GOLGA4: variants seen among roughly 807,000 people sequenced by gnomAD.
GOLGA4 encodes golgin A4, also known as golgin subfamily A member 4.
Under a neutral mutation model 265.9 loss-of-function variants are expected in GOLGA4, and 169 were observed. The observed-to-expected ratio is 0.64, with a 90% confidence interval of 0.56 to 0.72. The LOEUF is 0.72. GOLGA4 is among the 30% of genes least tolerant of loss of function. The pLI is 0.00. For synonymous variants in GOLGA4, 923 were observed against 855.8 expected (o/e 1.08, Z -1.37); for missense variants, 2,482 against 2,483.4 (o/e 1.00, Z 0.01).
At position 37,315,683 on chromosome 3, in the gene GOLGA4, G is replaced by T. The variant is rs1009102747; in HGVS notation, c.1413+85G>T. 8.8e-6 allele frequency: 10 copies of T among 1,138,634 alleles called. No individual in the cohort carries two copies. The Admixed American group carries it at 1.5e-4, about 17-fold the overall frequency. The allele number at this position is 1,138,634 out of a possible 1,614,324, so 70.5% of individuals were successfully genotyped here. A position where few individuals can be genotyped will look rare whatever the true frequency, so the allele number is the denominator to read the frequency against. ...CCTTACACTCTTTGACTGTAAAGAA[G>T]AGTTTGTTTGTATTTTAGACATTGA... On this transcript the variant is annotated intron_variant, in intron 11 of 23. Transcript: ENST00000361924.
chr3:37,283,260 A>G (rs2096839588), intron 3 of GOLGA4, among the ~76,000 whole-genome samples: 1 of 152,220 alleles, frequency 6.6e-6, no homozygotes, highest in Non-Finnish European at 1.5e-5. Context: ...ATCAGGCTTA[A>G]ATATATAGGC....
intron 16 of GOLGA4, among the ~76,000 whole-genome samples, chr3:37,330,307 C>A (rs1353473443): frequency 6.6e-6 from 1 of 151,794 alleles, no homozygotes; most frequent in Non-Finnish European, 1.5e-5. Flanking sequence ...TAGCTTTACA[C>A]ATTTTATAAA....
At chr3:37,345,738 G>A (rs1243623430) in intron 20 of GOLGA4, among the ~76,000 whole-genome samples, 1 of 152,074 alleles carries the variant, frequency 6.6e-6, no homozygotes, top group Non-Finnish European at 1.5e-5. Context: ...CATGAGGTCC[G>A]GAGTTCAAGA....
chr3:37,297,218 T>C (rs891272487), intron 7 of GOLGA4, among the ~76,000 whole-genome samples: 1 of 152,238 alleles, frequency 6.6e-6, no homozygotes, highest in African/African-American at 2.4e-5. Context: ...ATTCCCGTCT[T>C]TTATTTCCTA....
intron 2 of GOLGA4, among the ~76,000 whole-genome samples, chr3:37,274,099 C>CA (rs34797146): frequency 0.12 from 11,992 of 101,768 alleles, 1,054 homozygotes; most frequent in African/African-American, 0.28. Flanking sequence ...GGCTCTGTCT[C>CA]AAAAAAAAAA....
chr3:37,353,782 G>A (rs984651595), intron 21 of GOLGA4, among the ~76,000 whole-genome samples: 1 of 151,876 alleles, frequency 6.6e-6, no homozygotes, highest in Non-Finnish European at 1.5e-5. Context: ...GTAGAGATGG[G>A]GGTCTCACTA....
chr3:37,350,951 G>C (rs2097072119), intron 21 of GOLGA4, among the ~76,000 whole-genome samples: 1 of 152,086 alleles, frequency 6.6e-6, no homozygotes, highest in Non-Finnish European at 1.5e-5. Flanking sequence ...CAGAGTGGTG[G>C]TTGCTGAAGG....
In GOLGA4 at chr3:37,340,303, T is replaced by A. The variant is rs115760283; in HGVS notation, c.6472+104T>A. On this transcript the variant is annotated intron_variant, in intron 20 of 23. Transcript: ENST00000361924. ...GCTAATTTATATTTTTTTCTCATTT[T>A]AAAATTTTTAATGATTTTATTTTTT... The A allele has an allele frequency of 5.6e-3, 2,780 of 499,612 alleles. 78 individuals are homozygous for A. The highest frequency in any genetic ancestry group is 0.05 in the African/African-American group (2,473 of 49,436). 30.9% of individuals were successfully genotyped at this position (499,612 alleles called of 1,614,324 possible). A position where few individuals can be genotyped will look rare whatever the true frequency, so the allele number is the denominator to read the frequency against.
In GOLGA4 at chr3:37,325,669, G is replaced by T. The variant is rs1424912604; in HGVS notation, c.3783G>T (p.Lys1261Asn). 6.2e-7 allele frequency: 1 copy of T among 1,613,904 alleles called. No homozygotes were observed. The highest frequency in any genetic ancestry group is 1.1e-5 in the South Asian group (1 of 91,070). ...GTCAGCACCGTACAACTAAAGTTAA[G>T]GAGGCACTGTTAATTAAAACTTGCA... Reference protein sequence around the residue: ...SHCQHRTTKVKEALLIKTCTV... With the variant: ...SHCQHRTTKVNEALLIKTCTV... The change falls in exon 14 of 24, where the codon AAG (lysine) becomes AAT (asparagine). Residue 1261 changes from lysine to asparagine, a missense_variant. Physicochemically the swap from Lys to Asn is moderately conservative, Grantham distance 94. Coordinates refer to ENST00000361924, the MANE Select transcript of GOLGA4 (RefSeq NM_002078.5).
chr3:37,337,013 C>A, intron 17 of GOLGA4, 130 bp from the exon 18 acceptor site: 1 of 654,596 alleles, frequency 1.5e-6, no homozygotes, highest in Non-Finnish European at 2.7e-6. Context: ...TGCCTTACCT[C>A]AAGTCTGACC....
chr3:37,366,315 G>T lies in GOLGA4; in HGVS notation c.*269G>T. On this transcript the variant is annotated 3_prime_UTR_variant, in exon 24 of 24. Transcript: ENST00000361924. ...AGTTTTCTCTTGGGAAGAGTTTTAT[G>T]TTGTTTAAAAGATATTTTGATAACT... 1 of 427,946 alleles carries T rather than the reference G, an allele frequency of 2.3e-6. No homozygotes were observed. The highest frequency in any genetic ancestry group is 4.1e-6 in the Non-Finnish European group (1 of 243,464). 26.5% of individuals were successfully genotyped at this position (427,946 alleles called of 1,614,324 possible).
chr3:37,251,074 A>T (rs146988405), intron 1 of GOLGA4, among the ~76,000 whole-genome samples: 1,723 of 152,206 alleles, frequency 0.011, 96 homozygotes, highest in Admixed American at 0.092. Context: ...TATACCCCTC[A>T]CCTGGCTTCA....
chr3:37,338,952 C>G (rs1442493641), intron 19 of GOLGA4, among the ~76,000 whole-genome samples: 4 of 151,022 alleles, frequency 2.6e-5, no homozygotes, highest in Non-Finnish European at 5.9e-5. Flanking sequence ...AGCTCCGCCT[C>G]CCGGATTCAC....
chr3:37,361,660 G>A (rs975096157), intron 23 of GOLGA4, among the ~76,000 whole-genome samples: 7 of 152,136 alleles, frequency 4.6e-5, no homozygotes, highest in Non-Finnish European at 7.4e-5. Context: ...TTGTGAGAGA[G>A]AAATGAAAAA....
rs530894795 is a variant in GOLGA4 at position 37,277,128 on chromosome 3, T to C, written c.163-4830T>C. Among the ~76,000 whole-genome samples, 25 of 152,262 alleles carry C rather than the reference T, an allele frequency of 1.6e-4. No individual in the cohort carries two copies. The East Asian group carries it at 4.4e-3, about 27-fold the overall frequency. On this transcript the variant is annotated intron_variant, in intron 2 of 23. Transcript: ENST00000361924. ...ATTTTGAGGTAGCTTATGAATTTGA[T>C]TTTAATTATTATGTTCACAAGCTTG...
At chr3:37,311,974 TA>T (rs2150914243) in intron 10 of GOLGA4, among the ~76,000 whole-genome samples, 1 of 152,308 alleles carries the variant, frequency 6.6e-6, no homozygotes, top group African/African-American at 2.4e-5. Flanking sequence ...TTCTGGAATT[TA>T]AAAAATGAAA....
Position 37,335,525 on chromosome 3 carries a change from C to CT in GOLGA4, c.6306+363dup, listed in dbSNP as rs539129883. Among the ~76,000 whole-genome samples, 992 of 152,214 alleles carry CT rather than the reference C, an allele frequency of 6.5e-3. 14 individuals carry two copies. The highest frequency in any genetic ancestry group is 0.022 in the African/African-American group (927 of 41,518). On this transcript the variant is annotated intron_variant, in intron 17 of 23. Transcript: ENST00000361924. ...AAAATGGTCCATTGTAAATGTGATA[C>CT]TTTTAGATTTTTGGATTTTTGTGCT...
At chr3:37,253,217 A>C (rs926580470) in intron 2 of GOLGA4, among the ~76,000 whole-genome samples, 1 of 151,958 alleles carries the variant, frequency 6.6e-6, no homozygotes, top group African/African-American at 2.4e-5. Flanking sequence ...TGATTGCACC[A>C]GCCTAGGTGA....
At chr3:37,275,215 C>CAAAAAAAAAAAAAAAA (rs749758741) in intron 2 of GOLGA4, among the ~76,000 whole-genome samples, 6 of 44,958 alleles carry the variant, frequency 1.3e-4, no homozygotes, top group African/African-American at 1.8e-4. Context: ...GACTCCGTCT[C>CAAAAAAAAAAAAAAAA]AAAAAAAAAA....
Sources: allele counts gnomAD v4.1 joint callset (sites outside exome capture counted in the v4.1 genomes callset), GRCh38; gene constraint gnomAD v4.1.1; transcripts MANE v1.5; gene names NCBI Gene and HGNC (gene_info 2026-07-23, HGNC 2026-07-21).